The following SEMA3E variants were observed in gnomAD, a reference collection of about 807,000 sequenced individuals.
The protein encoded by SEMA3E is semaphorin-3E.
SEMA3E carries 49 observed loss-of-function variants against 93.6 expected under a neutral mutation model. The observed-to-expected ratio is 0.52, with a 90% CI of 0.42 to 0.66. The LOEUF is 0.66. Ranked by LOEUF, SEMA3E falls within the 30% of genes least tolerant of loss-of-function variation. The pLI, the probability that SEMA3E is intolerant of heterozygous loss-of-function variation, is 0.00. For missense variants in SEMA3E, 906 were observed against 964.8 expected (o/e 0.94, Z 0.81); for synonymous variants, 363 against 330.7 (o/e 1.10, Z -1.06).
rs1378208636 is a variant in SEMA3E at position 83,419,421 on chromosome 7, A to G, written c.457-938T>C. ...CACACATTGTCTTTTTGGTAGAATG[A>G]TTCATTTTCCTTTGGAAATTTACCC... On this transcript the variant is annotated intron_variant, in intron 4 of 16. Transcript: ENST00000643230. 2.0e-5 allele frequency among the ~76,000 whole-genome samples: 3 copies of G among 152,196 alleles called. No homozygotes were observed. The East Asian group carries it at 5.8e-4, about 29-fold the overall frequency.
rs887159344 is a variant in SEMA3E, at chr7:83,469,263, T to C, written c.316A>G (p.Ile106Val). ...PSTALKMEEC[I>V]MKGKDAGECA... ...CTTACCGCATCTTTTCCCTTCATTA[T>C]GCATTCTTCCATTTTTAGAGCTGTA... is the stretch of plus-strand genomic sequence containing the variant. Residue 106 changes from isoleucine (I) to valine (V), a missense_variant, in exon 3 of 17, where the codon ATA becomes GTA. Transcript: ENST00000643230. The C allele has an allele frequency of 2.1e-5, 34 of 1,611,116 alleles. No individual in the cohort carries two copies. The highest frequency in any genetic ancestry group is 1.3e-4 in the African/African-American group (10 of 74,870).
At chr7:83,452,938 A>T (rs1360935200) in intron 4 of SEMA3E, among the ~76,000 whole-genome samples, 1 of 152,220 alleles carries the variant, frequency 6.6e-6, no homozygotes, top group Non-Finnish European at 1.5e-5. Context: ...AGAAGAAACA[A>T]TGTAGAAAAT....
At chr7:83,396,423 T>C (rs1185060306) in intron 12 of SEMA3E, among the ~76,000 whole-genome samples, 2 of 152,158 alleles carry the variant, frequency 1.3e-5, no homozygotes, top group African/African-American at 4.8e-5. Flanking sequence ...TTCACTGAAA[T>C]TCTTTCCATG....
chr7:83,385,337 A>G lies in SEMA3E; in HGVS notation c.1832T>C (p.Val611Ala). 1 of 1,613,486 alleles carries G rather than the reference A, an allele frequency of 6.2e-7. No homozygotes were observed. Among genetic ancestry groups the G allele is most frequent in the Non-Finnish European group, 8.5e-7 (1 of 1,179,592 alleles). The change falls in exon 16 of 17, where the codon GTT (valine) becomes GCT (alanine). Residue 611 changes from valine to alanine, a missense_variant. By Grantham distance (64) the Val-to-Ala change is moderately conservative. Coordinates refer to ENST00000643230, the MANE Select transcript of SEMA3E (RefSeq NM_012431.3). ...ECTPRSLQAK[V>A]IWFVQKGRET... Reference sequence around the variant, plus strand: ...ACGTCCTTTCTGTACAAACCAGATAACTTTCGCTTGTAAAGATCGTGGGGT... The same window carrying G: ...ACGTCCTTTCTGTACAAACCAGATAGCTTTCGCTTGTAAAGATCGTGGGGT...
At chr7:83,449,380 AT>A (rs1406191679) in intron 4 of SEMA3E, among the ~76,000 whole-genome samples, 1 of 152,036 alleles carries the variant, frequency 6.6e-6, no homozygotes, top group East Asian at 1.9e-4. Flanking sequence ...GATTACAGGC[AT>A]GAGCCACCTC....
At chr7:83,414,791 T>C (rs566422513) in intron 5 of SEMA3E, among the ~76,000 whole-genome samples, 78 of 152,158 alleles carry the variant, frequency 5.1e-4, no homozygotes, top group Non-Finnish European at 8.1e-4. Flanking sequence ...GGTGTTTTTT[T>C]CCCCAAACTC....
intron 1 of SEMA3E, among the ~76,000 whole-genome samples, chr7:83,611,109 C>G (rs764392582): frequency 6.6e-6 from 1 of 151,138 alleles, no homozygotes; most frequent in Non-Finnish European, 1.5e-5. Context: ...TCAGCTACCT[C>G]CACCCTGCTG....
chr7:83,410,760 T>C (rs76920179), intron 5 of SEMA3E, among the ~76,000 whole-genome samples: 1 of 152,074 alleles, frequency 6.6e-6, no homozygotes, highest in Non-Finnish European at 1.5e-5. Flanking sequence ...AACAACCAAG[T>C]TGACACTTAA....
intron 1 of SEMA3E, among the ~76,000 whole-genome samples, chr7:83,545,267 A>G (rs940964134): frequency 6.6e-6 from 1 of 151,996 alleles, no homozygotes; most frequent in Non-Finnish European, 1.5e-5. Flanking sequence ...AAGATGGCAA[A>G]TGTTCTTCCT....
chr7:83,460,133 A>G (rs1321786290), intron 4 of SEMA3E, among the ~76,000 whole-genome samples: 1 of 152,204 alleles, frequency 6.6e-6, no homozygotes. Context: ...TGGTGCCGTG[A>G]TTCAGATCGG....
intron 2 of SEMA3E, among the ~76,000 whole-genome samples, chr7:83,482,799 G>C (rs1790174921): frequency 6.6e-6 from 1 of 151,922 alleles, no homozygotes; most frequent in African/African-American, 2.4e-5. Flanking sequence ...GAATAAGGAA[G>C]GACAAGGAGA....
chr7:83,587,013 T>G (rs1431924955), intron 1 of SEMA3E, among the ~76,000 whole-genome samples: 2 of 152,296 alleles, frequency 1.3e-5, no homozygotes, highest in Non-Finnish European at 2.9e-5. Context: ...AAGGTTAGAA[T>G]AGATATATAT....
At chr7:83,431,139 A>G (rs1788874682) in intron 4 of SEMA3E, among the ~76,000 whole-genome samples, 1 of 151,058 alleles carries the variant, frequency 6.6e-6, no homozygotes, top group Admixed American at 6.6e-5. Flanking sequence ...CTATTAATAT[A>G]TAATATAGTA....
chr7:83,536,242 C>T (rs1446280988), intron 1 of SEMA3E, among the ~76,000 whole-genome samples: 1 of 151,862 alleles, frequency 6.6e-6, no homozygotes, highest in Non-Finnish European at 1.5e-5. Flanking sequence ...CATCTTTAAA[C>T]TGAATCTCCG....
chr7:83,610,561 A>T (rs955635996), intron 1 of SEMA3E, among the ~76,000 whole-genome samples: 6 of 152,068 alleles, frequency 3.9e-5, no homozygotes, highest in African/African-American at 1.4e-4. Context: ...AAAATATGAT[A>T]CTTTCCTTGA....
chr7:83,592,135 T>C (rs1792768155), intron 1 of SEMA3E, among the ~76,000 whole-genome samples: 1 of 152,114 alleles, frequency 6.6e-6, no homozygotes, highest in African/African-American at 2.4e-5. Context: ...TTCTTTACCA[T>C]AAGCTTTAGA....
intron 1 of SEMA3E, among the ~76,000 whole-genome samples, chr7:83,507,087 A>G (rs1790718643): frequency 6.6e-6 from 1 of 152,220 alleles, no homozygotes; most frequent in African/African-American, 2.4e-5. Flanking sequence ...ATTCATTACC[A>G]TGTAGCTGCC....
intron 1 of SEMA3E, among the ~76,000 whole-genome samples, chr7:83,520,657 T>C (rs1298473845): frequency 6.6e-6 from 1 of 152,170 alleles, no homozygotes; most frequent in African/African-American, 2.4e-5. Context: ...ACATACACCG[T>C]ATTTAAGATA....
intron 5 of SEMA3E, among the ~76,000 whole-genome samples, chr7:83,409,427 A>G (rs1441210042): frequency 1.3e-5 from 2 of 152,184 alleles, no homozygotes; most frequent in African/African-American, 4.8e-5. Context: ...CAAGAAACAA[A>G]TGATAACAGC....
Sources: allele counts gnomAD v4.1 joint callset (sites outside exome capture counted in the v4.1 genomes callset), GRCh38; gene constraint gnomAD v4.1.1; transcripts MANE v1.5; gene names NCBI Gene and HGNC (gene_info 2026-07-23, HGNC 2026-07-21).